Variants in GPC6 observed in about 807,000 individuals in gnomAD.
GPC6 encodes glypican 6.
In GPC6, 14 loss-of-function variants were observed where a neutral mutation model predicts 55.2. The observed-to-expected ratio is 0.25, with a 90% CI of 0.17 to 0.40. The LOEUF (loss-of-function observed/expected upper bound fraction) is 0.40. GPC6 is among the 10% of genes least tolerant of loss of function. The pLI is 1.00. For missense variants in GPC6, 641 were observed against 708.5 expected (o/e 0.90, Z 1.08); for synonymous variants, 278 against 259.6 (o/e 1.07, Z -0.68).
chr13:94,335,918 T>C (rs995754301), intron 6 of GPC6, among the ~76,000 whole-genome samples: 1 of 138,638 alleles, frequency 7.2e-6, no homozygotes, highest in South Asian at 2.4e-4. Context: ...TTTTTTTTTT[T>C]CCTTCTTGTT....
intron 1 of GPC6, among the ~76,000 whole-genome samples, chr13:93,481,465 T>C (rs1879518313): frequency 6.6e-6 from 1 of 152,114 alleles, no homozygotes; most frequent in Non-Finnish European, 1.5e-5. Flanking sequence ...TCTTTTTTCA[T>C]TTGTCACTTG....
At chr13:94,306,516 A>G (rs1040610572) in intron 6 of GPC6, among the ~76,000 whole-genome samples, 2 of 152,196 alleles carry the variant, frequency 1.3e-5, no homozygotes, top group Admixed American at 1.3e-4. Context: ...ATGCAAGTTT[A>G]TTATGACTTC....
At chr13:93,977,691 T>C (rs78290763) in intron 3 of GPC6, among the ~76,000 whole-genome samples, 2,798 of 152,280 alleles carry the variant, frequency 0.018, 98 homozygotes, top group African/African-American at 0.064. Context: ...GCTAGACATA[T>C]GCACATCCTT....
chr13:93,861,231 A>AG lies in GPC6; in HGVS notation c.711+30687dup, dbSNP rs760940436. 2.6e-5 allele frequency among the ~76,000 whole-genome samples: 4 copies of AG among 151,520 alleles called. 1 individual carries two copies. The highest frequency in any genetic ancestry group is 4.4e-5 in the Non-Finnish European group (3 of 67,668). On this transcript the variant is annotated intron_variant, in intron 3 of 8. Coordinates refer to ENST00000377047, the MANE Select transcript of GPC6 (RefSeq NM_005708.5). ...CTATTTCACAGTAGTAAAAAAAAAA[A>AG]GAACTCTTTTGTATAAATTTCATGA...
intron 3 of GPC6, among the ~76,000 whole-genome samples, chr13:94,008,091 C>T (rs1037862307): frequency 6.6e-6 from 1 of 152,100 alleles, no homozygotes; most frequent in Admixed American, 6.6e-5. Flanking sequence ...CTGTGTCCTG[C>T]CTTCCACATT....
chr13:94,313,673 G>C (rs1165745865), intron 6 of GPC6, among the ~76,000 whole-genome samples: 1 of 152,154 alleles, frequency 6.6e-6, no homozygotes, highest in Non-Finnish European at 1.5e-5. Context: ...TGTTTTGGAA[G>C]GGGAACAATT....
intron 1 of GPC6, among the ~76,000 whole-genome samples, chr13:93,454,508 G>C (rs1047101574): frequency 2.6e-5 from 4 of 151,078 alleles, no homozygotes; most frequent in Non-Finnish European, 5.9e-5. Flanking sequence ...AGAGTAGCTA[G>C]ATACAGAGTG....
At chr13:94,365,841 G>A (rs1879264573) in intron 6 of GPC6, among the ~76,000 whole-genome samples, 1 of 152,134 alleles carries the variant, frequency 6.6e-6, no homozygotes, top group Non-Finnish European at 1.5e-5. Context: ...CCAAATGTCT[G>A]TAGGCTTCAG....
At chr13:93,966,937 G>A (rs1880073363) in intron 3 of GPC6, among the ~76,000 whole-genome samples, 1 of 152,118 alleles carries the variant, frequency 6.6e-6, no homozygotes, top group Non-Finnish European at 1.5e-5. Context: ...CTACGGGCAT[G>A]AGCCACTGCA....
intron 4 of GPC6, among the ~76,000 whole-genome samples, chr13:94,124,458 A>C (rs1333260): frequency 0.33 from 50,164 of 151,992 alleles, 9,422 homozygotes; most frequent in Middle Eastern, 0.46. Flanking sequence ...CAAAGAAAGA[A>C]GTGATGAGTC....
intron 4 of GPC6, among the ~76,000 whole-genome samples, chr13:94,260,447 A>G (rs1409393656): frequency 6.6e-6 from 1 of 152,094 alleles, no homozygotes; most frequent in Non-Finnish European, 1.5e-5. Context: ...TTTCTTCTGA[A>G]ACCAACCTTG....
chr13:94,044,305 T>C (rs992054854), intron 4 of GPC6, among the ~76,000 whole-genome samples: 2 of 151,926 alleles, frequency 1.3e-5, no homozygotes, highest in East Asian at 3.9e-4. Flanking sequence ...TACTTTTCTG[T>C]TTTCACTTAA....
At chr13:94,083,747 A>G (rs937449453) in intron 4 of GPC6, among the ~76,000 whole-genome samples, 2 of 152,244 alleles carry the variant, frequency 1.3e-5, no homozygotes, top group African/African-American at 4.8e-5. Context: ...ATAAACACTT[A>G]TGTGACAGCT....
At chr13:94,104,081 C>A (rs541506817) in intron 4 of GPC6, among the ~76,000 whole-genome samples, 2 of 152,242 alleles carry the variant, frequency 1.3e-5, no homozygotes, top group East Asian at 1.9e-4. Flanking sequence ...GGAAGGGATC[C>A]AGTTTCAGCT....
At chr13:94,007,063 G>T (rs1882051616) in intron 3 of GPC6, among the ~76,000 whole-genome samples, 1 of 152,116 alleles carries the variant, frequency 6.6e-6, no homozygotes, top group African/African-American at 2.4e-5. Flanking sequence ...TAAAGCAATA[G>T]ACCTCAAATA....
intron 2 of GPC6, among the ~76,000 whole-genome samples, chr13:93,735,899 C>A (rs558231130): frequency 1.5e-4 from 23 of 152,312 alleles, no homozygotes; most frequent in African/African-American, 5.3e-4. Flanking sequence ...TCATATTTTA[C>A]CTGAAGTTAA....
At chr13:93,896,316 C>T (rs1214897038) in intron 3 of GPC6, among the ~76,000 whole-genome samples, 1 of 151,884 alleles carries the variant, frequency 6.6e-6, no homozygotes. Flanking sequence ...ATGTTTAAGC[C>T]GTACAGACGT....
At chr13:93,423,702 A>C (rs1301560723) in intron 1 of GPC6, among the ~76,000 whole-genome samples, 2 of 152,058 alleles carry the variant, frequency 1.3e-5, no homozygotes, top group Non-Finnish European at 2.9e-5. Flanking sequence ...TCCGCCACCA[A>C]CAGACTTCTG....
intron 4 of GPC6, among the ~76,000 whole-genome samples, chr13:94,126,174 G>A (rs1410151567): frequency 1.3e-5 from 2 of 152,088 alleles, no homozygotes; most frequent in East Asian, 3.9e-4. Context: ...TGAGGCAAGA[G>A]TTGGAGCCCA....
Sources: gnomAD v4.1 joint callset for allele counts (sites outside exome capture counted in the v4.1 genomes callset) on GRCh38, gnomAD v4.1.1 for gene constraint, MANE v1.5 for transcripts, NCBI Gene and HGNC (gene_info 2026-07-23, HGNC 2026-07-21) for gene names.